PKD1L1: variants seen among roughly 807,000 people sequenced by gnomAD.
PKD1L1 encodes polycystin 1 like 1, transient receptor potential channel interacting.
A neutral mutation model predicts 323.4 loss-of-function variants in PKD1L1; 236 were observed. That is an observed-to-expected ratio of 0.73 (90% CI 0.66 to 0.81). PKD1L1 has a LOEUF of 0.81. PKD1L1 is among the 40% of genes least tolerant of loss of function. The pLI is 0.00. For synonymous variants in PKD1L1, 1,344 were observed against 1,335.0 expected (o/e 1.01, Z -0.15); for missense variants, 3,320 against 3,508.0 (o/e 0.95, Z 1.35).
At chr7:47,958,828 G>A in the PKD1L1 span, among the ~76,000 whole-genome samples, 1,647 of 150,100 alleles carry the variant, frequency 0.011, 23 homozygotes, top group African/African-American at 0.038. Context: ...CTCTCCCCAC[G>A]GTCTCCCTCT....
At chr7:47,876,009 G>T in intron 23 of PKD1L1, 88 bp downstream of exon 23, 1 of 1,424,782 alleles carries the variant, frequency 7.0e-7, no homozygotes, top group Non-Finnish European at 9.6e-7. Context: ...TTATTTTCTA[G>T]ACACAGTTTA....
At chr7:47,870,207 C>T (rs961581471) in intron 24 of PKD1L1, among the ~76,000 whole-genome samples, 3 of 151,238 alleles carry the variant, frequency 2.0e-5, no homozygotes, top group Non-Finnish European at 4.4e-5. Context: ...GCAAAGTAAA[C>T]CAGAGCAAGT....
Position 47,831,072 on chromosome 7 carries a change from T to A in PKD1L1, c.6473+145A>T. The A allele has an allele frequency of 7.9e-6, 9 of 1,134,754 alleles. No homozygotes were observed. The South Asian group carries it at 1.3e-4, about 16-fold the overall frequency. 70.3% of individuals were successfully genotyped at this position (1,134,754 alleles called of 1,614,324 possible). A position where few individuals can be genotyped will look rare whatever the true frequency, so the allele number is the denominator to read the frequency against. The stretch of plus-strand genomic sequence containing the variant: ...ATAGGATTTTATTTACCCCAGGAGA[T>A]GGGAGGGAGAAATGAGGGAGAAAAT... On this transcript the variant is annotated intron_variant, in intron 42 of 56. Transcript: ENST00000289672.
At chr7:47,914,270 A>C (rs1787383128) in intron 8 of PKD1L1, among the ~76,000 whole-genome samples, 1 of 152,236 alleles carries the variant, frequency 6.6e-6, no homozygotes. Context: ...CACAGAGCCC[A>C]TAATGTAAAA....
intron 40 of PKD1L1, among the ~76,000 whole-genome samples, chr7:47,833,832 T>C (rs1312289053): frequency 3.9e-5 from 6 of 152,356 alleles, no homozygotes; most frequent in Middle Eastern, 3.4e-3. Flanking sequence ...GTAACGCAGC[T>C]GTGCCATTGG....
chr7:47,951,772 T>G (rs1180065420), upstream of PKD1L1, among the ~76,000 whole-genome samples: 4 of 152,192 alleles, frequency 2.6e-5, no homozygotes. Context: ...AGTGTATACA[T>G]AAAATATACA....
chr7:47,888,454 T>C (rs1229179697), intron 16 of PKD1L1, among the ~76,000 whole-genome samples: 1 of 152,246 alleles, frequency 6.6e-6, no homozygotes, highest in Non-Finnish European at 1.5e-5. Flanking sequence ...GAGCTGGGCC[T>C]GGTCAAGGTC....
At chr7:47,928,797 T>C (rs1034185217) in intron 7 of PKD1L1, among the ~76,000 whole-genome samples, 2 of 152,160 alleles carry the variant, frequency 1.3e-5, no homozygotes, top group Non-Finnish European at 2.9e-5. Flanking sequence ...AGAATTCATA[T>C]AGAACATTGT....
At chr7:47,810,397 T>A (rs1185144864) in intron 50 of PKD1L1, among the ~76,000 whole-genome samples, 1 of 152,234 alleles carries the variant, frequency 6.6e-6, no homozygotes, top group Non-Finnish European at 1.5e-5. Context: ...TGAATTCTGA[T>A]GTTTATAAAT....
chr7:47,926,711 T>C (rs1029551505), intron 7 of PKD1L1, among the ~76,000 whole-genome samples: 2 of 151,860 alleles, frequency 1.3e-5, no homozygotes, highest in East Asian at 3.9e-4. Flanking sequence ...AGAAGATGAG[T>C]GACAAGGGAA....
At chr7:47,960,040 C>T in the PKD1L1 span, among the ~76,000 whole-genome samples, 1 of 152,110 alleles carries the variant, frequency 6.6e-6, no homozygotes, top group Non-Finnish European at 1.5e-5. Context: ...AATTATTCTG[C>T]CTTGTGATCC....
chr7:47,827,691 C>A (rs567542975), intron 44 of PKD1L1, among the ~76,000 whole-genome samples: 1 of 152,210 alleles, frequency 6.6e-6, no homozygotes, highest in South Asian at 2.1e-4. Context: ...ATGTCCCAGG[C>A]AAGTTTTTTT....
rs1300540082 is a variant in PKD1L1 at position 47,808,366 on chromosome 7, G to A, written c.7708C>T (p.Leu2570Phe). Residue 2570 changes from leucine to phenylalanine, a missense_variant, in exon 52 of 57, where the codon CTC (leucine) becomes TTC (phenylalanine). By Grantham distance (22) the Leu-to-Phe change is conservative. Transcript: ENST00000289672. Reference sequence around the variant, plus strand: ...TGGCCGGAAACTGCATAGTAGGTGAGGCTCACTCCAACCACGGAGAGCTGG... The same window carrying A: ...TGGCCGGAAACTGCATAGTAGGTGAAGCTCACTCCAACCACGGAGAGCTGG... ...WLELSVVGVS[L>F]TYYAVSGHLV... The A allele has an allele frequency of 6.2e-7, 1 of 1,613,990 alleles. No individual in the cohort carries two copies. Among genetic ancestry groups the A allele is most frequent in the Non-Finnish European group, 8.5e-7 (1 of 1,180,026 alleles).
In PKD1L1 at chr7:47,869,613, A is replaced by T. The variant is rs186246992; in HGVS notation, c.3897-2999T>A. ...ACAACAGGTTCCATATACATGAGCA[A>T]TAATGGACAGAACTGAAGGGATACA... is the stretch of plus-strand genomic sequence containing the variant. On this transcript the variant is annotated intron_variant, in intron 24 of 56. Coordinates refer to ENST00000289672, the MANE Select transcript of PKD1L1 (RefSeq NM_138295.5). Among the ~76,000 whole-genome samples the T allele has an allele frequency of 1.7e-3, 264 of 152,350 alleles. 1 individual carries two copies. Among genetic ancestry groups the T allele is most frequent in the African/African-American group, 6.3e-3 (260 of 41,592 alleles).
At chr7:47,878,339 C>T (rs773393117) in intron 21 of PKD1L1, among the ~76,000 whole-genome samples, 1 of 151,980 alleles carries the variant, frequency 6.6e-6, no homozygotes, top group Non-Finnish European at 1.5e-5. Context: ...TATTGATCAC[C>T]CCATAATGAT....
At chr7:47,859,177 G>C (rs1785970997) in intron 26 of PKD1L1, among the ~76,000 whole-genome samples, 1 of 152,156 alleles carries the variant, frequency 6.6e-6, no homozygotes, top group Non-Finnish European at 1.5e-5. Context: ...TCGGCCTCTT[G>C]ACCAAAGGAA....
chr7:47,924,772 G>A (rs1159916721), intron 7 of PKD1L1, among the ~76,000 whole-genome samples: 1 of 152,182 alleles, frequency 6.6e-6, no homozygotes, highest in African/African-American at 2.4e-5. Flanking sequence ...GCAAGATGGA[G>A]TCAGTCATGC....
chr7:47,876,613 G>A (rs1284025876), intron 22 of PKD1L1, among the ~76,000 whole-genome samples: 1 of 152,084 alleles, frequency 6.6e-6, no homozygotes, highest in Admixed American at 6.5e-5. Context: ...CTCAAGGGAA[G>A]GCCATGGTCT....
At chr7:47,959,480 T>C in the PKD1L1 span, among the ~76,000 whole-genome samples, 1 of 143,308 alleles carries the variant, frequency 7.0e-6, no homozygotes, top group East Asian at 2.2e-4. Context: ...CGCCGCCCCG[T>C]CTGGGATGTG....
Sources: allele counts gnomAD v4.1 joint callset (sites outside exome capture counted in the v4.1 genomes callset), GRCh38; gene constraint gnomAD v4.1.1; transcripts MANE v1.5; gene names NCBI Gene and HGNC (gene_info 2026-07-23, HGNC 2026-07-21).